The following SCOC variants were observed in gnomAD, a reference collection of about 807,000 sequenced individuals.
SCOC encodes short coiled coil protein.
A neutral mutation model predicts 9.9 loss-of-function variants in SCOC; 7 were observed. The observed-to-expected ratio is 0.71, with a 90% CI of 0.40 to 1.33. SCOC has a LOEUF of 1.33. SCOC is among the 40% of genes most tolerant of loss of function. The pLI, the probability that SCOC is intolerant of heterozygous loss-of-function variation, is 0.01. For synonymous variants in SCOC, 19 were observed against 28.2 expected (o/e 0.67, Z 1.03); for missense variants, 66 against 89.7 (o/e 0.74, Z 1.07).
intron 2 of SCOC, among the ~76,000 whole-genome samples, chr4:140,349,493 C>G (rs1384300549): frequency 6.6e-6 from 1 of 152,156 alleles, no homozygotes; most frequent in Non-Finnish European, 1.5e-5. Context: ...GTCTTCACCT[C>G]TCTCCTGAGT....
At chr4:140,293,817 C>A (rs1005947151) in intron 1 of SCOC, among the ~76,000 whole-genome samples, 25 of 152,056 alleles carry the variant, frequency 1.6e-4, no homozygotes, top group Non-Finnish European at 3.5e-4. Flanking sequence ...GATGGAACAC[C>A]CCCATGTATA....
chr4:140,343,026 T>G (rs912528663), upstream of SCOC, among the ~76,000 whole-genome samples: 3 of 152,248 alleles, frequency 2.0e-5, no homozygotes, highest in Non-Finnish European at 4.4e-5. Flanking sequence ...TTCAAATATT[T>G]CTTCATATAT....
chr4:140,287,263 C>T (rs1731307513), intron 1 of SCOC, among the ~76,000 whole-genome samples: 1 of 151,646 alleles, frequency 6.6e-6, no homozygotes, highest in African/African-American at 2.4e-5. Flanking sequence ...GCTAAATGCG[C>T]AAATCATGTG....
intron 1 of SCOC, chr4:140,291,384 C>T (rs1731466757): frequency 2.2e-6 from 1 of 456,754 alleles, no homozygotes. Context: ...TCTTCATATA[C>T]CTTACCTTCT....
intron 1 of SCOC, among the ~76,000 whole-genome samples, chr4:140,328,696 A>G (rs1444714101): frequency 6.6e-6 from 1 of 152,144 alleles, no homozygotes; most frequent in Non-Finnish European, 1.5e-5. Context: ...TGCACACTTT[A>G]TTGTATGTAT....
intron 1 of SCOC, among the ~76,000 whole-genome samples, chr4:140,378,898 C>A (rs916639646): frequency 2.0e-5 from 3 of 152,074 alleles, no homozygotes; most frequent in African/African-American, 7.2e-5. Context: ...AAAATAATAA[C>A]TGTACGGTGG....
At chr4:140,300,178 C>G (rs1247646371) in intron 1 of SCOC, among the ~76,000 whole-genome samples, 1 of 152,200 alleles carries the variant, frequency 6.6e-6, no homozygotes. Context: ...GAGCAAAATT[C>G]TCTAGCTGCA....
intron 1 of SCOC, among the ~76,000 whole-genome samples, chr4:140,337,545 A>G (rs1732991155): frequency 6.6e-6 from 1 of 152,188 alleles, no homozygotes; most frequent in Admixed American, 6.5e-5. Flanking sequence ...CAATTGAATT[A>G]CAACAAGAAT....
chr4:140,375,813 G>A (rs2126593514), intron 1 of SCOC, among the ~76,000 whole-genome samples: 1 of 152,218 alleles, frequency 6.6e-6, no homozygotes, highest in Middle Eastern at 3.4e-3. Context: ...ACCTTTGAAA[G>A]GTCTGACCTA....
intron 1 of SCOC, among the ~76,000 whole-genome samples, chr4:140,333,845 G>T (rs1415867431): frequency 1.3e-5 from 2 of 152,132 alleles, no homozygotes; most frequent in African/African-American, 4.8e-5. Flanking sequence ...ACCCCTTGTT[G>T]TTATGTTGAA....
chr4:140,354,881 T>C (rs1408742948), intron 2 of SCOC, among the ~76,000 whole-genome samples: 18 of 152,140 alleles, frequency 1.2e-4, no homozygotes, highest in Admixed American at 1.2e-3. Context: ...TATTTATTTC[T>C]ATCTAAAAAG....
At chr4:140,340,922 G>C (rs1190430400), upstream of SCOC, among the ~76,000 whole-genome samples, 3 of 151,112 alleles carry the variant, frequency 2.0e-5, no homozygotes, top group African/African-American at 7.3e-5. Flanking sequence ...CTCCTGAGTA[G>C]CTGGGATTAC....
intron 1 of SCOC, among the ~76,000 whole-genome samples, chr4:140,257,646 G>A (rs534349753): frequency 6.6e-6 from 1 of 152,306 alleles, no homozygotes; most frequent in East Asian, 1.9e-4. Context: ...ACCTGTCTCT[G>A]CCTCAGTCTT....
intron 1 of SCOC, among the ~76,000 whole-genome samples, chr4:140,296,581 G>A (rs1026405321): frequency 6.6e-6 from 1 of 152,192 alleles, no homozygotes; most frequent in Non-Finnish European, 1.5e-5. Context: ...GAAGGACACT[G>A]ACCCATTTCC....
chr4:140,273,883 G>A (rs1730918644), intron 1 of SCOC, among the ~76,000 whole-genome samples: 1 of 152,150 alleles, frequency 6.6e-6, no homozygotes, highest in African/African-American at 2.4e-5. Context: ...TAATAATCAT[G>A]TTCAAACATA....
At chr4:140,373,353 A>C, upstream of SCOC, 2 of 1,431,830 alleles carry the variant, frequency 1.4e-6, no homozygotes, top group Non-Finnish European at 1.8e-6. Flanking sequence ...AGGTTTCCTG[A>C]TAGACCTGAT....
intron 1 of SCOC, among the ~76,000 whole-genome samples, chr4:140,259,696 G>A (rs1047170141): frequency 3.3e-5 from 5 of 152,176 alleles, no homozygotes; most frequent in African/African-American, 1.2e-4. Context: ...GTGACAGAGT[G>A]AGACCATGTC....
At chr4:140,292,177 G>A (rs540122954) in intron 1 of SCOC, among the ~76,000 whole-genome samples, 8 of 148,940 alleles carry the variant, frequency 5.4e-5, no homozygotes, top group South Asian at 2.1e-4. Context: ...TGCTTCCAGC[G>A]GTACTCTTCT....
At chr4:140,328,919 G>T (rs905959435) in intron 1 of SCOC, among the ~76,000 whole-genome samples, 12 of 152,186 alleles carry the variant, frequency 7.9e-5, no homozygotes, top group African/African-American at 2.9e-4. Flanking sequence ...GCTTCAAAAA[G>T]TTGAAGCTTT....
Sources: gnomAD v4.1 joint callset for allele counts (sites outside exome capture counted in the v4.1 genomes callset) on GRCh38, gnomAD v4.1.1 for gene constraint, MANE v1.5 for transcripts, NCBI Gene and HGNC (gene_info 2026-07-23, HGNC 2026-07-21) for gene names.